Variants in SCMH1 observed in about 807,000 individuals in gnomAD.
SCMH1 encodes Scm polycomb group protein homolog 1.
A neutral mutation model predicts 70.8 loss-of-function variants in SCMH1; 37 were observed. The ratio of observed to expected loss-of-function variants is 0.52; its 90% CI spans 0.40 to 0.69. SCMH1 has a LOEUF of 0.69. SCMH1 is among the 30% of genes least tolerant of loss of function. The pLI is 0.00. For synonymous variants in SCMH1, 292 were observed against 307.4 expected (o/e 0.95, Z 0.52); for missense variants, 607 against 827.3 (o/e 0.73, Z 3.27).
intron 10 of SCMH1, among the ~76,000 whole-genome samples, chr1:41,055,840 G>A (rs1650064796): frequency 6.6e-6 from 1 of 152,158 alleles, no homozygotes; most frequent in African/African-American, 2.4e-5. Context: ...CACCTAAGAG[G>A]CCTCGTGTAC....
chr1:41,107,131 G>A (rs1164759666), intron 8 of SCMH1, among the ~76,000 whole-genome samples: 2 of 151,382 alleles, frequency 1.3e-5, no homozygotes, highest in African/African-American at 4.9e-5. Flanking sequence ...TCATTTGGAA[G>A]CCTTCGTTTG....
At chr1:41,040,015 T>A (rs2148613167) in intron 12 of SCMH1, among the ~76,000 whole-genome samples, 1 of 152,060 alleles carries the variant, frequency 6.6e-6, no homozygotes, top group African/African-American at 2.4e-5. Context: ...AAATCACTGG[T>A]GCAGGTGTCA....
chr1:41,063,623 C>T (rs2148825857), intron 10 of SCMH1, among the ~76,000 whole-genome samples: 1 of 151,860 alleles, frequency 6.6e-6, no homozygotes, highest in South Asian at 2.1e-4. Context: ...ACACAAATTA[C>T]TAAATCAGAA....
intron 1 of SCMH1, among the ~76,000 whole-genome samples, chr1:41,195,853 T>C (rs1368980020): frequency 2.0e-5 from 3 of 152,192 alleles, no homozygotes; most frequent in African/African-American, 7.2e-5. Flanking sequence ...AGCTAATAAA[T>C]GAATTCAGCA....
intron 2 of SCMH1, among the ~76,000 whole-genome samples, chr1:41,184,617 G>A (rs1259545226): frequency 6.6e-6 from 1 of 152,084 alleles, no homozygotes; most frequent in Non-Finnish European, 1.5e-5. Flanking sequence ...TTTGATTGGA[G>A]GCATTCGACA....
chr1:41,044,639 C>G (rs1312577242), intron 12 of SCMH1, among the ~76,000 whole-genome samples: 1 of 152,122 alleles, frequency 6.6e-6, no homozygotes, highest in East Asian at 1.9e-4. Flanking sequence ...GAGGAGGACA[C>G]AAAAAGTGGG....
At chr1:41,088,156 A>G (rs1405089085) in intron 8 of SCMH1, among the ~76,000 whole-genome samples, 1 of 152,170 alleles carries the variant, frequency 6.6e-6, no homozygotes, top group Non-Finnish European at 1.5e-5. Flanking sequence ...AAAAGAGAAT[A>G]TAGAGCATGC....
chr1:41,082,664 A>G (rs1660381900), intron 8 of SCMH1, among the ~76,000 whole-genome samples: 1 of 152,182 alleles, frequency 6.6e-6, no homozygotes, highest in Admixed American at 6.5e-5. Flanking sequence ...GGGCAGAGAC[A>G]CAACAAAAAA....
chr1:41,230,824 C>A (rs574803811), intron 1 of SCMH1, among the ~76,000 whole-genome samples: 3 of 152,136 alleles, frequency 2.0e-5, no homozygotes, highest in African/African-American at 7.2e-5. Flanking sequence ...CTTAGAGATC[C>A]CAATTCAATA....
intron 13 of SCMH1, 131 bp from the exon 14 acceptor site, chr1:41,034,179 G>A (rs1342844218): frequency 1.4e-5 from 17 of 1,238,240 alleles, no homozygotes; most frequent in African/African-American, 3.2e-5. Context: ...TAGAATCAGC[G>A]CTCAGCTCTG....
intron 8 of SCMH1, among the ~76,000 whole-genome samples, chr1:41,096,954 C>G (rs1665243603): frequency 6.6e-6 from 1 of 152,192 alleles, no homozygotes; most frequent in Admixed American, 6.5e-5. Flanking sequence ...AAAGAACATG[C>G]TAGTTTTTAA....
chr1:41,152,546 C>T, intron 4 of SCMH1: 1 of 1,580,680 alleles, frequency 6.3e-7, no homozygotes. Context: ...TAAAGATTAT[C>T]AAGTTCTTTA....
At chr1:41,156,852 G>A (rs879821376) in intron 4 of SCMH1, among the ~76,000 whole-genome samples, 21 of 151,912 alleles carry the variant, frequency 1.4e-4, no homozygotes, top group Non-Finnish European at 2.4e-4. Context: ...TCTTCTTAGA[G>A]GCAGGGTTTC....
chr1:41,083,115 T>C (rs1230756592), intron 8 of SCMH1, among the ~76,000 whole-genome samples: 3 of 152,160 alleles, frequency 2.0e-5, no homozygotes, highest in Admixed American at 6.5e-5. Context: ...GTGTTGGAAG[T>C]TCTGGCCAGG....
chr1:41,040,670 G>A (rs539100640), intron 12 of SCMH1, among the ~76,000 whole-genome samples: 18 of 152,034 alleles, frequency 1.2e-4, no homozygotes, highest in Non-Finnish European at 2.5e-4. Flanking sequence ...TTCGAGATCA[G>A]CCTGACCAAC....
intron 10 of SCMH1, among the ~76,000 whole-genome samples, chr1:41,063,696 C>T (rs1187260921): frequency 6.6e-6 from 1 of 152,100 alleles, no homozygotes; most frequent in Admixed American, 6.5e-5. Context: ...ATACTATGAA[C>T]AACTCTATGT....
At chr1:41,110,594 A>G (rs190980855) in intron 8 of SCMH1, among the ~76,000 whole-genome samples, 19 of 152,340 alleles carry the variant, frequency 1.2e-4, no homozygotes, top group Admixed American at 5.9e-4. Context: ...ATTAAGATGC[A>G]TCTATACTGT....
intron 11 of SCMH1, among the ~76,000 whole-genome samples, chr1:41,046,853 A>T (rs1463990091): frequency 1.3e-5 from 2 of 152,186 alleles, no homozygotes; most frequent in Non-Finnish European, 2.9e-5. Flanking sequence ...GAATGATTTT[A>T]TTCAACTTGT....
At chr1:41,160,326 T>C (rs1007849797) in intron 4 of SCMH1, among the ~76,000 whole-genome samples, 1 of 152,230 alleles carries the variant, frequency 6.6e-6, no homozygotes, top group African/African-American at 2.4e-5. Context: ...TTGAGAAGTA[T>C]TAGAACTAGT....
Sources: allele counts gnomAD v4.1 joint callset (sites outside exome capture counted in the v4.1 genomes callset), GRCh38; gene constraint gnomAD v4.1.1; transcripts MANE v1.5; gene names NCBI Gene and HGNC (gene_info 2026-07-23, HGNC 2026-07-21).